The following SYT6 variants were observed in gnomAD, a reference collection of about 807,000 sequenced individuals.
SYT6 encodes the protein synaptotagmin-6.
In SYT6, 24 loss-of-function variants were observed where a neutral mutation model predicts 38.4. That is an observed-to-expected ratio of 0.62 (90% CI 0.45 to 0.88). SYT6 has a LOEUF of 0.88. Among genes scored for constraint, SYT6 ranks in the 40% least tolerant of loss-of-function variants. The probability of loss-of-function intolerance (pLI) is 0.00; values close to 1 mark genes in which losing one functional copy is unlikely to be tolerated. For missense variants in SYT6, 611 were observed against 621.0 expected, an observed-to-expected ratio of 0.98 and a Z score of 0.17; for synonymous variants, 265 against 241.9, an observed-to-expected ratio of 1.10 and a Z score of -0.89.
At chr1:114,125,711 G>A (rs544939827) in intron 3 of SYT6, among the ~76,000 whole-genome samples, 1 of 152,266 alleles carries the variant, frequency 6.6e-6, no homozygotes. Flanking sequence ...ATACTCTACA[G>A]CTCACCTTGT....
In SYT6 at chr1:114,112,209, A is replaced by G. The variant is rs140414500; in HGVS notation, c.1072-8488T>C. Among the ~76,000 whole-genome samples the G allele has an allele frequency of 2.7e-3, 416 of 152,308 alleles. 4 individuals are homozygous for G. Among genetic ancestry groups the G allele is most frequent in the African/African-American group, 9.5e-3 (395 of 41,560 alleles). Reference sequence around the variant, plus strand: ...CACCCTGCAGTGTGGACACAGAGCTAAGGACTGCCCCATGGAGAAGCGGGC... The same window carrying G: ...CACCCTGCAGTGTGGACACAGAGCTGAGGACTGCCCCATGGAGAAGCGGGC... On this transcript the variant is annotated intron_variant, in intron 3 of 7. Coordinates refer to ENST00000610222, the MANE Select transcript of SYT6 (RefSeq NM_001253772.2).
intron 4 of SYT6, among the ~76,000 whole-genome samples, chr1:114,103,362 C>T (rs1676079724): frequency 6.6e-6 from 1 of 152,270 alleles, no homozygotes; most frequent in South Asian, 2.1e-4. Flanking sequence ...CATGAATTAA[C>T]TCATTTCTCC....
intron 3 of SYT6, among the ~76,000 whole-genome samples, chr1:114,112,052 G>T (rs1177063282): frequency 2.0e-5 from 3 of 152,186 alleles, no homozygotes; most frequent in African/African-American, 7.2e-5. Flanking sequence ...GCTGGGGCAG[G>T]TTCTGTTTGT....
At chr1:114,102,049 C>G (rs77264805) in intron 4 of SYT6, among the ~76,000 whole-genome samples, 2,875 of 152,232 alleles carry the variant, frequency 0.019, 85 homozygotes, top group African/African-American at 0.065. Context: ...CCCTCTGATT[C>G]AGAGCAGCTT....
chr1:114,107,233 C>G (rs1026967375), intron 3 of SYT6, among the ~76,000 whole-genome samples: 7 of 152,200 alleles, frequency 4.6e-5, no homozygotes, highest in African/African-American at 1.4e-4. Flanking sequence ...TCGGGGTAAA[C>G]AGCATTGCCC....
At chr1:114,093,354 T>C (rs1452849130) in intron 7 of SYT6, among the ~76,000 whole-genome samples, 1 of 152,192 alleles carries the variant, frequency 6.6e-6, no homozygotes, top group Admixed American at 6.5e-5. Flanking sequence ...TGGGCTCGGT[T>C]CTTCATGGGC....
At chr1:114,148,069 C>T (rs1261478221) in intron 1 of SYT6, among the ~76,000 whole-genome samples, 1 of 152,164 alleles carries the variant, frequency 6.6e-6, no homozygotes, top group Non-Finnish European at 1.5e-5. Context: ...ATCTGCTTGT[C>T]ACCTTAAATG....
At chr1:114,118,094 G>A (rs1677110125) in intron 3 of SYT6, among the ~76,000 whole-genome samples, 1 of 152,196 alleles carries the variant, frequency 6.6e-6, no homozygotes, top group Non-Finnish European at 1.5e-5. Context: ...GTGTGGGAGA[G>A]GGGGACAGGA....
chr1:114,137,224 CAGT>C (rs1431807951), intron 3 of SYT6, among the ~76,000 whole-genome samples: 2 of 152,220 alleles, frequency 1.3e-5, no homozygotes, highest in African/African-American at 4.8e-5. Context: ...TCAGTACTCT[CAGT>C]AGAAAGAACC....
chr1:114,106,743 C>T (rs750598595), intron 3 of SYT6, among the ~76,000 whole-genome samples: 1 of 152,060 alleles, frequency 6.6e-6, no homozygotes, highest in Non-Finnish European at 1.5e-5. Context: ...TGCCCAGGGT[C>T]CAGCCCACAG....
chr1:114,102,554 C>G (rs996596924), intron 4 of SYT6, among the ~76,000 whole-genome samples: 3 of 152,126 alleles, frequency 2.0e-5, no homozygotes, highest in Admixed American at 2.0e-4. Context: ...TATTTCCAAA[C>G]TCAAATACCT....
rs200122801 is a variant in SYT6, at chr1:114,099,313, T to C, written c.1193-48A>G. The C allele has an allele frequency of 2.6e-5, 40 of 1,556,460 alleles. No homozygotes were observed. The East Asian group carries it at 7.3e-4, about 28-fold the overall frequency. On this transcript the variant is annotated intron_variant, in intron 4 of 7. Coordinates refer to ENST00000610222, the MANE Select transcript of SYT6 (RefSeq NM_001253772.2). ...AAGGGAATGGAGTATGTTAAACAGA[T>C]GTCTGCAAACATCATTTGCAGCAAA... is the stretch of plus-strand genomic sequence containing the variant.
intron 3 of SYT6, among the ~76,000 whole-genome samples, chr1:114,120,689 C>T (rs1034986222): frequency 6.6e-6 from 1 of 152,190 alleles, no homozygotes; most frequent in African/African-American, 2.4e-5. Flanking sequence ...ATTCCTCCTA[C>T]CTGCTGAGGA....
intron 3 of SYT6, among the ~76,000 whole-genome samples, chr1:114,109,535 T>C (rs1052956490): frequency 2.0e-5 from 3 of 152,216 alleles, no homozygotes; most frequent in Admixed American, 6.5e-5. Context: ...GGGATGAATA[T>C]AGGACCCACC....
chr1:114,144,211 A>G (rs1679039251), intron 1 of SYT6, among the ~76,000 whole-genome samples: 1 of 152,156 alleles, frequency 6.6e-6, no homozygotes, highest in Non-Finnish European at 1.5e-5. Flanking sequence ...CTTTGTAAGG[A>G]TATGTCCTCA....
At chr1:114,115,608 G>T (rs1571850242) in intron 3 of SYT6, among the ~76,000 whole-genome samples, 1 of 151,984 alleles carries the variant, frequency 6.6e-6, no homozygotes. Context: ...GTAGAGACGG[G>T]GTTTTATCAT....
chr1:114,112,163 G>A (rs113161676), intron 3 of SYT6, among the ~76,000 whole-genome samples: 3 of 152,166 alleles, frequency 2.0e-5, no homozygotes, highest in Admixed American at 6.5e-5. Flanking sequence ...CTCCTTATAC[G>A]AACTCAGTAT....
rs562054024 is a variant in SYT6, at chr1:114,108,770, G to A, written c.1072-5049C>T. Among the ~76,000 whole-genome samples the A allele has an allele frequency of 8.5e-5, 13 of 152,298 alleles. No homozygotes were observed. The East Asian group carries it at 9.6e-4, about 11-fold the overall frequency. ...TCATGTTTCCTCCTGAATAAGCAGC[G>A]AGTGGCGTCAGTGCCTGTGAGTCCA... is the stretch of plus-strand genomic sequence containing the variant. On this transcript the variant is annotated intron_variant, in intron 3 of 7. Coordinates refer to ENST00000610222, the MANE Select transcript of SYT6 (RefSeq NM_001253772.2).
chr1:114,102,425 G>T (rs974135927), intron 4 of SYT6, among the ~76,000 whole-genome samples: 4 of 152,028 alleles, frequency 2.6e-5, no homozygotes, highest in African/African-American at 9.7e-5. Context: ...AGTTTTCAAG[G>T]CCTGATACCT....
Sources: gnomAD v4.1 joint callset for allele counts (sites outside exome capture counted in the v4.1 genomes callset) on GRCh38, gnomAD v4.1.1 for gene constraint, MANE v1.5 for transcripts, NCBI Gene and HGNC (gene_info 2026-07-23, HGNC 2026-07-21) for gene names.